Variants in CACNG3 observed in about 807,000 individuals in gnomAD.
CACNG3 encodes voltage-dependent calcium channel gamma-3 subunit.
In CACNG3, 3 loss-of-function variants were observed where a neutral mutation model predicts 28.5. The observed-to-expected ratio is 0.11, with a 90% CI of 0.05 to 0.27. CACNG3 has a LOEUF of 0.27. CACNG3 is among the 10% of genes least tolerant of loss of function. The probability of loss-of-function intolerance (pLI) is 1.00; values close to 1 mark genes in which losing one functional copy is unlikely to be tolerated. For synonymous variants in CACNG3, 174 were observed against 162.2 expected (o/e 1.07, Z -0.55); for missense variants, 236 against 414.4 (o/e 0.57, Z 3.74).
At chr16:24,310,917 T>C (rs1301543842) in intron 1 of CACNG3, among the ~76,000 whole-genome samples, 1 of 152,140 alleles carries the variant, frequency 6.6e-6, no homozygotes. Flanking sequence ...TATGCACAAA[T>C]TGGCTCCAGG....
intron 1 of CACNG3, among the ~76,000 whole-genome samples, chr16:24,307,615 G>T (rs1567214874): frequency 6.6e-6 from 1 of 152,044 alleles, no homozygotes; most frequent in Non-Finnish European, 1.5e-5. Flanking sequence ...GTGTATTCTG[G>T]GGACAGAGTC....
At chr16:24,267,373 G>A (rs1020755218) in intron 1 of CACNG3, among the ~76,000 whole-genome samples, 25 of 151,834 alleles carry the variant, frequency 1.6e-4, no homozygotes, top group South Asian at 8.4e-4. Flanking sequence ...CTGCGGCCTC[G>A]ACCTCCTGGG....
chr16:24,351,105 C>T (rs374342338), intron 2 of CACNG3, among the ~76,000 whole-genome samples: 4 of 152,090 alleles, frequency 2.6e-5, no homozygotes, highest in South Asian at 2.1e-4. Context: ...AACTCAGCAA[C>T]GACACTAATC....
intron 1 of CACNG3, among the ~76,000 whole-genome samples, chr16:24,343,638 A>C (rs1273570300): frequency 6.6e-6 from 1 of 152,336 alleles, no homozygotes; most frequent in African/African-American, 2.4e-5. Context: ...CTTAGTTCAC[A>C]ATACAGACTT....
intron 1 of CACNG3, among the ~76,000 whole-genome samples, chr16:24,331,884 T>G (rs1260946869): frequency 6.6e-6 from 1 of 152,194 alleles, no homozygotes. Flanking sequence ...TCACTCAGGT[T>G]GACTGCTCAG....
chr16:24,268,136 A>G (rs1898640288), intron 1 of CACNG3, among the ~76,000 whole-genome samples: 1 of 152,250 alleles, frequency 6.6e-6, no homozygotes, highest in Non-Finnish European at 1.5e-5. Context: ...GCACATAGTT[A>G]GTAAATGCTG....
At chr16:24,296,789 G>A (rs1899036616) in intron 1 of CACNG3, among the ~76,000 whole-genome samples, 1 of 152,182 alleles carries the variant, frequency 6.6e-6, no homozygotes, top group African/African-American at 2.4e-5. Context: ...AAAGTCCCAA[G>A]AAGGTGATGC....
At chr16:24,338,607 A>G (rs185070111) in intron 1 of CACNG3, among the ~76,000 whole-genome samples, 95 of 152,222 alleles carry the variant, frequency 6.2e-4, no homozygotes, top group Non-Finnish European at 2.5e-4. Context: ...GGCCTCCCAA[A>G]GTGCTGGGAT....
chr16:24,342,406 TGCGCCAGAA>T (rs1374038931), intron 1 of CACNG3, among the ~76,000 whole-genome samples: 1 of 152,224 alleles, frequency 6.6e-6, no homozygotes, highest in Non-Finnish European at 1.5e-5. Context: ...AACCCAGATT[TGCGCCAGAA>T]GCCAATATTA....
chr16:24,358,620 C>A (rs1387204641), intron 3 of CACNG3, among the ~76,000 whole-genome samples: 1 of 152,126 alleles, frequency 6.6e-6, no homozygotes, highest in Non-Finnish European at 1.5e-5. Flanking sequence ...AGGAGATAAG[C>A]CTAGTCCCTG....
intron 2 of CACNG3, among the ~76,000 whole-genome samples, chr16:24,349,970 G>C (rs537777738): frequency 7.9e-5 from 12 of 152,178 alleles, no homozygotes; most frequent in Non-Finnish European, 1.5e-4. Flanking sequence ...AGACTCCAAT[G>C]GTGGGGCTAC....
In CACNG3 at chr16:24,354,151, C is replaced by A. The variant is rs75805857; in HGVS notation, c.296-682C>A. Among the ~76,000 whole-genome samples, 1,040 of 152,282 alleles carry A rather than the reference C, an allele frequency of 6.8e-3. 14 individuals are homozygous for A. The highest frequency in any genetic ancestry group is 0.023 in the African/African-American group (970 of 41,550). On this transcript the variant is annotated intron_variant, in intron 2 of 3. Coordinates refer to ENST00000005284, the MANE Select transcript of CACNG3 (RefSeq NM_006539.4). ...AGGCTACAGTGAGCCGTGATTGCAC[C>A]ACTGCACTCCAGCCAGAGTGACAGA...
At chr16:24,313,475 A>G (rs1189451140) in intron 1 of CACNG3, among the ~76,000 whole-genome samples, 3 of 151,908 alleles carry the variant, frequency 2.0e-5, no homozygotes, top group Admixed American at 6.6e-5. Context: ...TGATTTTTTT[A>G]TTTTTTACTT....
At chr16:24,293,533 G>A (rs1182125492) in intron 1 of CACNG3, among the ~76,000 whole-genome samples, 2 of 152,168 alleles carry the variant, frequency 1.3e-5, no homozygotes, top group East Asian at 3.9e-4. Flanking sequence ...ATAACAATAA[G>A]GTTCTTCACT....
At chr16:24,271,513 G>A (rs1030543939) in intron 1 of CACNG3, among the ~76,000 whole-genome samples, 2 of 152,096 alleles carry the variant, frequency 1.3e-5, no homozygotes, top group Admixed American at 6.6e-5. Flanking sequence ...ATTGGCTCAG[G>A]CTGGTATTTA....
At chr16:24,303,344 G>GTATT (rs35148228) in intron 1 of CACNG3, among the ~76,000 whole-genome samples, 46,577 of 149,836 alleles carry the variant, frequency 0.31, 7,630 homozygotes, top group South Asian at 0.4. Flanking sequence ...CTCTATGTGT[G>GTATT]TATTTATTTA....
intron 1 of CACNG3, among the ~76,000 whole-genome samples, chr16:24,274,669 A>C (rs2238502): frequency 0.22 from 33,160 of 152,128 alleles, 3,909 homozygotes; most frequent in East Asian, 0.44. Flanking sequence ...ATACTGGTTG[A>C]TGAAGGTAGT....
intron 1 of CACNG3, among the ~76,000 whole-genome samples, chr16:24,317,705 A>AAAGAAAG (rs1567217748): frequency 8.4e-5 from 9 of 106,524 alleles, no homozygotes; most frequent in Non-Finnish European, 1.5e-4. Context: ...AGAAAGAAAG[A>AAAGAAAG]AAGAAAGAAA....
intron 1 of CACNG3, among the ~76,000 whole-genome samples, chr16:24,339,141 C>A (rs1487795736): frequency 6.6e-6 from 1 of 152,128 alleles, no homozygotes; most frequent in Non-Finnish European, 1.5e-5. Flanking sequence ...CTATGTACAT[C>A]TATTCTTTTT....
Sources: allele counts gnomAD v4.1 joint callset (sites outside exome capture counted in the v4.1 genomes callset), GRCh38; gene constraint gnomAD v4.1.1; transcripts MANE v1.5; gene names NCBI Gene and HGNC (gene_info 2026-07-23, HGNC 2026-07-21).